Variants in TIAM2 observed in about 807,000 individuals in gnomAD.
The protein encoded by TIAM2 is TIAM Rac1 associated GEF 2.
Under a neutral mutation model 152.9 loss-of-function variants are expected in TIAM2, and 80 were observed. The ratio of observed to expected loss-of-function variants is 0.52; its 90% CI spans 0.44 to 0.63. The LOEUF (loss-of-function observed/expected upper bound fraction) is 0.63, where lower values mean the gene tolerates loss of function less well. TIAM2 is among the 30% of genes least tolerant of loss of function. The pLI is 0.00. For synonymous variants in TIAM2, 804 were observed against 838.0 expected (o/e 0.96, Z 0.70); for missense variants, 1,965 against 2,120.1 (o/e 0.93, Z 1.44).
intron 2 of TIAM2, among the ~76,000 whole-genome samples, chr6:155,104,058 C>CCA (rs1562316989): frequency 3.3e-5 from 2 of 60,312 alleles, no homozygotes; most frequent in African/African-American, 1.5e-4. Flanking sequence ...CCCCACACCC[C>CCA]CACACACCCC....
chr6:155,031,618 G>A (rs1776821702), intron 1 of TIAM2, among the ~76,000 whole-genome samples: 1 of 152,154 alleles, frequency 6.6e-6, no homozygotes, highest in Admixed American at 6.6e-5. Context: ...CAGCTACTCG[G>A]GAGGCTGAGG....
rs1430168987 is a variant in TIAM2, at chr6:155,256,952, G to T, written c.4937G>T (p.Arg1646Ile). 6.2e-7 allele frequency: 1 copy of T among 1,614,194 alleles called. No homozygotes were observed. Among genetic ancestry groups the T allele is most frequent in the Non-Finnish European group, 8.5e-7 (1 of 1,180,046 alleles). The change falls in exon 27 of 27, where the codon AGA (arginine) becomes ATA (isoleucine). Residue 1646 changes from arginine to isoleucine, a missense_variant. Physicochemically the swap from Arg to Ile is moderately conservative, Grantham distance 97. Coordinates refer to ENST00000682666, the MANE Select transcript of TIAM2 (RefSeq NM_012454.4). ...AAAGCCAACAGCACCAAGAGGGACAGAGGAACTTTGCTCAAGGCGCAGATC... is the reference window on the plus strand; with the variant it reads ...AAAGCCAACAGCACCAAGAGGGACATAGGAACTTTGCTCAAGGCGCAGATC... ...KRKANSTKRD[R>I]GTLLKAQIRH...
At chr6:155,094,933 C>A (rs1778389176) in intron 2 of TIAM2, among the ~76,000 whole-genome samples, 2 of 151,926 alleles carry the variant, frequency 1.3e-5, no homozygotes, top group Non-Finnish European at 2.9e-5. Flanking sequence ...GACCCCTAAT[C>A]TGGACAGTTA....
intron 19 of TIAM2, 24 bp downstream of exon 19, chr6:155,245,755 G>GTTTTTT (rs11435976): frequency 0.04 from 40,199 of 1,013,316 alleles, 431 homozygotes; most frequent in South Asian, 0.053. Context: ...GCCTTTTATA[G>GTTTTTT]TTTTTTTTTT....
chr6:155,156,896 AG>A lies in TIAM2; in HGVS notation c.2029-7516del, dbSNP rs1418232385. On this transcript the variant is annotated intron_variant, in intron 7 of 26. Coordinates refer to ENST00000682666, the MANE Select transcript of TIAM2 (RefSeq NM_012454.4). The surrounding 1 kb of genome is among the most constrained non-coding windows in gnomAD (Gnocchi z 4.4). The stretch of plus-strand genomic sequence containing the variant: ...GCTCACCCCTTCTCGACTGTCATGA[AG>A]GGTTTAGGGGTCGCTTCCTCCAAGG... 6.6e-6 allele frequency among the ~76,000 whole-genome samples: 1 copy of A among 151,970 alleles called. No individual in the cohort carries two copies. The highest frequency in any genetic ancestry group is 2.4e-5 in the African/African-American group (1 of 41,374).
At chr6:155,204,737 A>G (rs949548428) in intron 14 of TIAM2, among the ~76,000 whole-genome samples, 1 of 152,230 alleles carries the variant, frequency 6.6e-6, no homozygotes, top group African/African-American at 2.4e-5. Context: ...CTTTTAGTCT[A>G]TTTCAAATGA....
At chr6:155,053,140 A>G (rs1213537959) in intron 1 of TIAM2, among the ~76,000 whole-genome samples, 2 of 152,218 alleles carry the variant, frequency 1.3e-5, no homozygotes. Flanking sequence ...GTACTGAAAC[A>G]TTAAGGAAAT....
At chr6:155,248,380 C>A (rs1783458924) in intron 20 of TIAM2, among the ~76,000 whole-genome samples, 1 of 152,228 alleles carries the variant, frequency 6.6e-6, no homozygotes, top group Non-Finnish European at 1.5e-5. Flanking sequence ...TTAGAGCTTA[C>A]AAAATACTTG....
At chr6:155,043,984 A>G (rs1291513744) in intron 1 of TIAM2, among the ~76,000 whole-genome samples, 1 of 152,164 alleles carries the variant, frequency 6.6e-6, no homozygotes, top group Non-Finnish European at 1.5e-5. Context: ...GTTTTGAAGG[A>G]TTGCAGAAAA....
chr6:155,234,820 G>C (rs1162511511), intron 15 of TIAM2, among the ~76,000 whole-genome samples: 1 of 152,242 alleles, frequency 6.6e-6, no homozygotes, highest in African/African-American at 2.4e-5. Flanking sequence ...GGTCTCCAGA[G>C]GCAGGTGGCT....
chr6:155,247,451 CCT>C (rs975486873), intron 19 of TIAM2, among the ~76,000 whole-genome samples: 73 of 152,202 alleles, frequency 4.8e-4, no homozygotes, highest in African/African-American at 1.7e-3. Flanking sequence ...CCCTCAGCCT[CCT>C]GAGTAGCTGG....
chr6:155,067,796 C>T (rs1379609094), intron 1 of TIAM2, among the ~76,000 whole-genome samples: 2 of 152,150 alleles, frequency 1.3e-5, no homozygotes, highest in Non-Finnish European at 2.9e-5. Context: ...TATGCACCAC[C>T]ACGCCTGGCT....
intron 15 of TIAM2, among the ~76,000 whole-genome samples, chr6:155,227,508 C>G (rs1782291280): frequency 6.6e-6 from 1 of 152,190 alleles, no homozygotes; most frequent in Admixed American, 6.5e-5. Context: ...CTGCCAGCTT[C>G]TAAAGCACTT....
intron 5 of TIAM2, among the ~76,000 whole-genome samples, chr6:155,139,400 T>C (rs1259007626): frequency 6.6e-6 from 1 of 152,228 alleles, no homozygotes; most frequent in Non-Finnish European, 1.5e-5. Flanking sequence ...GCTGCAGTCC[T>C]CTTTTCCATC....
chr6:155,031,963 T>A (rs1776829677), intron 1 of TIAM2, among the ~76,000 whole-genome samples: 1 of 152,182 alleles, frequency 6.6e-6, no homozygotes, highest in Non-Finnish European at 1.5e-5. Flanking sequence ...ATTTTGAAGA[T>A]GTATATCAAC....
At chr6:155,009,237 G>A (rs944946110) in intron 1 of TIAM2, among the ~76,000 whole-genome samples, 2 of 151,526 alleles carry the variant, frequency 1.3e-5, no homozygotes, top group African/African-American at 4.9e-5. Flanking sequence ...GAGTAGCTGA[G>A]ACTACAGCCG....
Position 155,028,651 on chromosome 6 carries a change from CATATA to C in TIAM2, c.-209+33165_-209+33169del, listed in dbSNP as rs1231226418. ...TATATACTGTGTTATATATATACTA[CATATA>C]ATATATATACTGTGTTATATATATA... On this transcript the variant is annotated intron_variant, in intron 1 of 26. Coordinates refer to ENST00000682666, the MANE Select transcript of TIAM2 (RefSeq NM_012454.4). Among the ~76,000 whole-genome samples, 171 of 126,364 alleles carry C rather than the reference CATATA, an allele frequency of 1.4e-3. 2 individuals carry two copies. The highest frequency in any genetic ancestry group is 2.4e-3 in the African/African-American group (80 of 32,686). 82.9% of individuals were successfully genotyped at this position (126,364 alleles called of 152,430 possible). A position where few individuals can be genotyped will look rare whatever the true frequency, so the allele number is the denominator to read the frequency against.
intron 1 of TIAM2, among the ~76,000 whole-genome samples, chr6:155,072,878 A>G (rs1777871578): frequency 6.6e-6 from 1 of 152,192 alleles, no homozygotes; most frequent in Non-Finnish European, 1.5e-5. Flanking sequence ...ACTGAAGCCA[A>G]CAGAGGACGG....
intron 1 of TIAM2, among the ~76,000 whole-genome samples, chr6:155,053,107 CA>C (rs1356767950): frequency 1.3e-5 from 2 of 151,932 alleles, no homozygotes; most frequent in African/African-American, 4.8e-5. Context: ...AAAAATGGAC[CA>C]TTATGACTTT....
Sources: gnomAD v4.1 joint callset for allele counts (sites outside exome capture counted in the v4.1 genomes callset) on GRCh38, gnomAD v4.1.1 for gene constraint, Gnocchi (gnomAD v3.1) non-coding constraint, MANE v1.5 for transcripts, NCBI Gene and HGNC (gene_info 2026-07-23, HGNC 2026-07-21) for gene names.